GBE1: variants seen among roughly 807,000 people sequenced by gnomAD.
The protein encoded by GBE1 is 1,4-alpha-glucan branching enzyme 1.
Under a neutral mutation model 88.8 loss-of-function variants are expected in GBE1, and 70 were observed. The ratio of observed to expected loss-of-function variants is 0.79; its 90% CI spans 0.65 to 0.96. The LOEUF (loss-of-function observed/expected upper bound fraction) is 0.96, where lower values mean the gene tolerates loss of function less well. GBE1 is among the 40% of genes least tolerant of loss of function. GBE1 has a pLI of 0.00. For synonymous variants in GBE1, 284 were observed against 300.1 expected (o/e 0.95, Z 0.56); for missense variants, 872 against 871.0 (o/e 1.00, Z -0.01).
chr3:81,757,683 C>A (rs185444433), intron 1 of GBE1, among the ~76,000 whole-genome samples: 8 of 152,128 alleles, frequency 5.3e-5, no homozygotes, highest in Admixed American at 4.6e-4. Flanking sequence ...CCAGACACTG[C>A]GATTGGGTTG....
Position 81,670,934 on chromosome 3 carries a change from C to G in GBE1, c.333G>C (p.Ser111=), listed in dbSNP as rs374518318. ...TGDFNGWNPF[S]YPYKKLDYGK... is the part of the protein sequence containing the mutation. ...CATAATCCAGTTTTTTGTATGGGTA[C>G]GAAAATGGATTCCAACCATCTAAAA... The change falls in exon 3 of 16, where the codon TCG becomes TCC. Residue 111 remains serine (S), a synonymous_variant. Coordinates refer to ENST00000429644, the MANE Select transcript of GBE1 (RefSeq NM_000158.4). 146 of 1,555,744 alleles carry G rather than the reference C, an allele frequency of 9.4e-5. 2 individuals are homozygous for G. Among genetic ancestry groups the G allele is most frequent in the Admixed American group, 2.1e-4 (11 of 51,878 alleles).
Position 81,537,043 on chromosome 3 carries a change from A to G in GBE1, c.1671T>C (p.Asn557=). 6.4e-7 allele frequency: 1 copy of G among 1,573,598 alleles called. No homozygotes were observed. The highest frequency in any genetic ancestry group is 8.6e-7 in the Non-Finnish European group (1 of 1,163,534). The change falls in exon 13 of 16, where the codon AAT becomes AAC. Residue 557 remains asparagine (N), a synonymous_variant. Transcript: ENST00000429644. The part of the protein sequence containing the change: ...EWLDFPRKGN[N]ESYHYARRQF... Reference sequence around the variant, plus strand: ...GCCGCCTGGCATAATGGTAACTCTCATTATTTCCTTTTCTTGGGAAGTCTA... The same window carrying G: ...GCCGCCTGGCATAATGGTAACTCTCGTTATTTCCTTTTCTTGGGAAGTCTA...
At chr3:81,666,019 T>TATTAAGCCAGAATAAATGCTACAAGG (rs1705109871) in intron 3 of GBE1, among the ~76,000 whole-genome samples, 1 of 151,896 alleles carries the variant, frequency 6.6e-6, no homozygotes, top group Non-Finnish European at 1.5e-5. Flanking sequence ...AAATGCTAAT[T>TATTAAGCCAGAATAAATGCTACAAGG]TATACCTTGT....
chr3:81,594,193 T>C (rs1307283016), intron 7 of GBE1, among the ~76,000 whole-genome samples, 170 bp from the exon 8 acceptor site: 1 of 152,160 alleles, frequency 6.6e-6, no homozygotes, highest in African/African-American at 2.4e-5. Flanking sequence ...CTCAGTTGGT[T>C]GATGAAACTC....
chr3:81,648,064 G>A (rs979743494), intron 5 of GBE1, among the ~76,000 whole-genome samples: 3 of 151,632 alleles, frequency 2.0e-5, no homozygotes, highest in African/African-American at 7.3e-5. Flanking sequence ...ATTAATTTTG[G>A]TTTCTGGAAC....
At chr3:81,718,209 A>C (rs1008963128) in intron 1 of GBE1, among the ~76,000 whole-genome samples, 17 of 151,918 alleles carry the variant, frequency 1.1e-4, no homozygotes, top group Admixed American at 1.1e-3. Flanking sequence ...CAAACTCCTG[A>C]CCTCAGGTGA....
chr3:81,494,750 G>A (rs1702480005), intron 15 of GBE1, among the ~76,000 whole-genome samples: 1 of 152,142 alleles, frequency 6.6e-6, no homozygotes, highest in Non-Finnish European at 1.5e-5. Flanking sequence ...TATGAAGAGA[G>A]TCAAATGCAT....
chr3:81,649,792 T>C lies in GBE1; in HGVS notation c.555+4A>G. On this transcript the variant is annotated splice_donor_region_variant and intron_variant, in intron 4 of 15. Coordinates refer to ENST00000429644, the MANE Select transcript of GBE1 (RefSeq NM_000158.4). Reference sequence around the variant, plus strand: ...TAATTTATTTAAAGATTTGTTGTTCTCACCTCATATGAGTGTTCTGGATCC... The same window carrying C: ...TAATTTATTTAAAGATTTGTTGTTCCCACCTCATATGAGTGTTCTGGATCC... 1 of 1,590,276 alleles carries C rather than the reference T, an allele frequency of 6.3e-7. No individual in the cohort carries two copies. The highest frequency in any genetic ancestry group is 8.5e-7 in the Non-Finnish European group (1 of 1,171,306).
chr3:81,747,730 C>T (rs1231239318), intron 1 of GBE1, among the ~76,000 whole-genome samples: 1 of 152,174 alleles, frequency 6.6e-6, no homozygotes, highest in Admixed American at 6.5e-5. Flanking sequence ...GAGTGATTAA[C>T]CCTTTGAATT....
intron 7 of GBE1, among the ~76,000 whole-genome samples, chr3:81,620,778 C>T (rs1179982534): frequency 2.0e-5 from 3 of 151,948 alleles, no homozygotes; most frequent in East Asian, 3.9e-4. Context: ...AGTGAGGTGG[C>T]GGGAAGAATG....
chr3:81,505,871 C>T (rs1198588848), intron 14 of GBE1, among the ~76,000 whole-genome samples: 1 of 152,046 alleles, frequency 6.6e-6, no homozygotes, highest in Non-Finnish European at 1.5e-5. Flanking sequence ...GCTAGCTAGC[C>T]ATTTGTAGAA....
At chr3:81,662,136 G>C (rs1171060834) in intron 3 of GBE1, among the ~76,000 whole-genome samples, 1 of 152,058 alleles carries the variant, frequency 6.6e-6, no homozygotes. Flanking sequence ...GGGTTCAAGC[G>C]ATTCTCCTGC....
At chr3:81,692,292 A>C (rs534224388) in intron 2 of GBE1, among the ~76,000 whole-genome samples, 1 of 152,346 alleles carries the variant, frequency 6.6e-6, no homozygotes, top group South Asian at 2.1e-4. Context: ...ATGATTACAT[A>C]AAGGGGAAGT....
chr3:81,683,869 A>G (rs933004282), intron 2 of GBE1, among the ~76,000 whole-genome samples: 3 of 152,218 alleles, frequency 2.0e-5, no homozygotes, highest in Non-Finnish European at 2.9e-5. Flanking sequence ...GAACAACTTT[A>G]TATCAAATAA....
At chr3:81,648,181 T>C (rs11918127) in intron 5 of GBE1, among the ~76,000 whole-genome samples, 13,552 of 152,164 alleles carry the variant, frequency 0.089, 1,192 homozygotes, top group African/African-American at 0.22. Flanking sequence ...AGCAGCATAA[T>C]TACATGTGCT....
chr3:81,710,820 C>A (rs1332013725), intron 1 of GBE1, among the ~76,000 whole-genome samples: 1 of 152,048 alleles, frequency 6.6e-6, no homozygotes, highest in African/African-American at 2.4e-5. Flanking sequence ...ACGATTTTTC[C>A]CAAGTTCCAA....
At chr3:81,688,978 A>G (rs1705481406) in intron 2 of GBE1, among the ~76,000 whole-genome samples, 1 of 152,144 alleles carries the variant, frequency 6.6e-6, no homozygotes, top group Non-Finnish European at 1.5e-5. Context: ...TATTAATCTA[A>G]AAATTCACAA....
chr3:81,650,993 A>G (rs146752293), intron 3 of GBE1, among the ~76,000 whole-genome samples: 93 of 152,322 alleles, frequency 6.1e-4, no homozygotes, highest in Middle Eastern at 6.8e-3. Flanking sequence ...TAGCTTTTAC[A>G]CAAAGTTGCC....
intron 1 of GBE1, among the ~76,000 whole-genome samples, chr3:81,727,264 G>A (rs762123086): frequency 6.6e-6 from 1 of 152,070 alleles, no homozygotes; most frequent in African/African-American, 2.4e-5. Flanking sequence ...CTTCCTAAAA[G>A]GGATCCACGG....
Sources: gnomAD v4.1 joint callset for allele counts (sites outside exome capture counted in the v4.1 genomes callset) on GRCh38, gnomAD v4.1.1 for gene constraint, MANE v1.5 for transcripts, NCBI Gene and HGNC (gene_info 2026-07-23, HGNC 2026-07-21) for gene names.